The following FAHD1 variants were observed in gnomAD, a reference collection of about 807,000 sequenced individuals.
FAHD1 encodes the protein FAH domain containing oxaloacetate decarboxylase 1.
A neutral mutation model predicts 12.7 loss-of-function variants in FAHD1; 14 were observed. That is an observed-to-expected ratio of 1.10 (90% CI 0.73 to 1.72). FAHD1 has a LOEUF of 1.72. Among genes scored for constraint, FAHD1 ranks in the 40% most tolerant of loss-of-function variants. The probability of loss-of-function intolerance (pLI) is 0.00; values close to 1 mark genes in which losing one functional copy is unlikely to be tolerated. For synonymous variants in FAHD1, 153 were observed against 124.9 expected (o/e 1.22, Z -1.50); for missense variants, 351 against 298.9 (o/e 1.17, Z -1.29).
At chr16:1,835,568 G>GGGTA (rs1389562938) in intron 1 of FAHD1, among the ~76,000 whole-genome samples, 1 of 152,270 alleles carries the variant, frequency 6.6e-6, no homozygotes, top group East Asian at 1.9e-4. Flanking sequence ...AACAATAAGT[G>GGGTA]GGTACCCTTT....
intron 1 of FAHD1, among the ~76,000 whole-genome samples, chr16:1,837,356 C>A (rs1442274191): frequency 6.6e-6 from 1 of 152,054 alleles, no homozygotes; most frequent in Non-Finnish European, 1.5e-5. Flanking sequence ...GGGGTGGGGA[C>A]AACCTAGTCT....
intron 1 of FAHD1, chr16:1,834,486 TA>T: frequency 1.4e-5 from 8 of 578,780 alleles, no homozygotes; most frequent in Non-Finnish European, 6.1e-6. Flanking sequence ...TTACAGATAC[TA>T]ATATAAACTT....
downstream of FAHD1, chr16:1,829,063 G>GA (rs1200544396): frequency 8.3e-6 from 3 of 361,796 alleles, no homozygotes; most frequent in African/African-American, 2.2e-5. Context: ...CCCAACCGGA[G>GA]ATAAGGAGGC....
intron 2 of FAHD1, chr16:1,838,212 G>A (rs774141768): frequency 1.7e-4 from 72 of 435,832 alleles, no homozygotes; most frequent in Non-Finnish European, 2.3e-4. Context: ...GTTGCCCAGG[G>A]TGATCTTGAA....
Position 1,827,476 on chromosome 16 carries a change from C to A in FAHD1, c.238C>A (p.Arg80Ser), listed in dbSNP as rs576596560. ...GGGCGTGGTGATGGGCAAGCGCTGC[C>A]GCGCAGTCCCCGAGGCTGCGGCCAT... Residue 80 changes from arginine to serine, a missense_variant, in exon 1 of 1, where the codon CGC (arginine) becomes AGC (serine). Arg to Ser is a moderately radical substitution (Grantham distance 110). Coordinates refer to ENST00000427358, the Ensembl canonical transcript of FAHD1. 1.2e-5 allele frequency: 20 copies of A among 1,611,790 alleles called. No individual in the cohort carries two copies. In the South Asian group the frequency reaches 2.2e-4, roughly 18 times the overall value.
downstream of FAHD1, among the ~76,000 whole-genome samples, chr16:1,830,849 T>C (rs1898606425): frequency 6.6e-6 from 1 of 151,924 alleles, no homozygotes; most frequent in African/African-American, 2.4e-5. Context: ...TGTCCTCTGG[T>C]CCTACGTCTC....
exon 1 of FAHD1, chr16:1,827,590 C>T: frequency 6.2e-7 from 1 of 1,613,714 alleles, no homozygotes; most frequent in Non-Finnish European, 8.5e-7. Context: ...GCCCTGGACT[C>T]TGGCGAAGAG....
At chr16:1,827,329 A>C (rs200115670) in exon 1 of FAHD1, 11 of 1,613,162 alleles carry the variant, frequency 6.8e-6, no homozygotes, top group Non-Finnish European at 8.5e-6. Flanking sequence ...CGTCAGGGAG[A>C]TGCGCAGCGC....
chr16:1,834,374 G>A, intron 1 of FAHD1: 1 of 1,463,268 alleles, frequency 6.8e-7, no homozygotes. Context: ...GAACTGCGAG[G>A]AGAAACAGAA....
chr16:1,835,240 C>T (rs894102508), intron 1 of FAHD1, among the ~76,000 whole-genome samples: 4 of 148,864 alleles, frequency 2.7e-5, no homozygotes, highest in South Asian at 4.2e-4. Flanking sequence ...TGTGACAGAG[C>T]GAGCAGAGTG....
intron 1 of FAHD1, chr16:1,834,341 C>T (rs1442206879): frequency 5.6e-6 from 9 of 1,610,508 alleles, no homozygotes; most frequent in Non-Finnish European, 7.6e-6. Context: ...TTTCAATCCA[C>T]TCCTTGCTCT....
intron 1 of FAHD1, among the ~76,000 whole-genome samples, chr16:1,835,815 G>A (rs1173700568): frequency 2.6e-5 from 4 of 151,858 alleles, no homozygotes; most frequent in African/African-American, 9.7e-5. Flanking sequence ...AACCCATTCA[G>A]CATTTTGCAT....
chr16:1,834,684 G>A lies in FAHD1; in HGVS notation c.628-3332G>A, dbSNP rs897553667. 1.2e-4 allele frequency among the ~76,000 whole-genome samples: 18 copies of A among 152,256 alleles called. 1 individual carries two copies. Among genetic ancestry groups the A allele is most frequent in the Non-Finnish European group, 2.1e-4 (14 of 68,044 alleles). ...GCAGTGGCTCACGCCTGTAATCCCA[G>A]CACTTTGGGAGGCCAAGGCGGGTGG... On this transcript the variant is annotated intron_variant, in intron 1 of 2. Coordinates refer to the FAHD1 transcript ENST00000382666.
At chr16:1,838,068 C>A in exon 2 of FAHD1, 2 of 1,020,574 alleles carry the variant, frequency 2.0e-6, no homozygotes, top group Non-Finnish European at 2.8e-6. Context: ...GCTATCACAG[C>A]TCACTGCAGC....
intron 1 of FAHD1, among the ~76,000 whole-genome samples, chr16:1,836,766 A>G (rs954566986): frequency 6.8e-6 from 1 of 147,194 alleles, no homozygotes; most frequent in African/African-American, 2.4e-5. Flanking sequence ...TCATAATAAC[A>G]CTAATTCTCT....
At chr16:1,828,594 G>A (rs1898559765) in exon 1 of FAHD1, 9 of 999,642 alleles carry the variant, frequency 9.0e-6, no homozygotes, top group Admixed American at 1.2e-4. Context: ...AATTTTCTTA[G>A]ATTTGGTCAT....
At chr16:1,830,651 A>C (rs1347900738), downstream of FAHD1, among the ~76,000 whole-genome samples, 1 of 152,222 alleles carries the variant, frequency 6.6e-6, no homozygotes, top group Non-Finnish European at 1.5e-5. Flanking sequence ...TAGATGCAAG[A>C]ATCAAAAACA....
chr16:1,839,175 G>T, intron 2 of FAHD1: 8 of 1,428,774 alleles, frequency 5.6e-6, no homozygotes, highest in South Asian at 3.2e-5. Context: ...TCAAATGTTT[G>T]ACAAAACAAC....
chr16:1,831,305 G>A (rs1898616871), downstream of FAHD1, among the ~76,000 whole-genome samples: 1 of 152,156 alleles, frequency 6.6e-6, no homozygotes, highest in Non-Finnish European at 1.5e-5. Context: ...TTGTTCCCGT[G>A]ATTTGCTGAA....
Sources: gnomAD v4.1 joint callset for allele counts (sites outside exome capture counted in the v4.1 genomes callset) on GRCh38, gnomAD v4.1.1 for gene constraint, MANE v1.5 for transcripts, NCBI Gene and HGNC (gene_info 2026-07-23, HGNC 2026-07-21) for gene names.